CSPP1: variants seen among roughly 807,000 people sequenced by gnomAD.
The protein encoded by CSPP1 is centrosome and spindle pole-associated protein 1.
CSPP1 carries 126 observed loss-of-function variants against 164.4 expected under a neutral mutation model. The ratio of observed to expected loss-of-function variants is 0.77; its 90% CI spans 0.66 to 0.89. CSPP1 has a LOEUF of 0.89. CSPP1 is among the 40% of genes least tolerant of loss of function. The pLI is 0.00. For missense variants in CSPP1, 1,395 were observed against 1,449.8 expected, an observed-to-expected ratio of 0.96 and a Z score of 0.61; for synonymous variants, 472 against 476.7, an observed-to-expected ratio of 0.99 and a Z score of 0.13.
chr8:67,193,357 A>T, intron 29 of CSPP1, 107 bp from the exon 30 acceptor site: 3 of 964,910 alleles, frequency 3.1e-6, no homozygotes, highest in South Asian at 3.4e-5. Context: ...TCGGCTTCCC[A>T]AAGTGCTGGG....
chr8:67,094,310 G>A (rs1346971398), intron 6 of CSPP1, among the ~76,000 whole-genome samples: 1 of 111,426 alleles, frequency 9.0e-6, no homozygotes, highest in African/African-American at 3.6e-5. Context: ...GTCTTGCTCT[G>A]TCACCCAGGC....
At chr8:67,105,080 C>T (rs1815200394) in intron 8 of CSPP1, among the ~76,000 whole-genome samples, 1 of 125,152 alleles carries the variant, frequency 8.0e-6, no homozygotes, top group Admixed American at 9.5e-5. Context: ...GGCTGGAGTA[C>T]AGTGGCAGGA....
intron 3 of CSPP1, among the ~76,000 whole-genome samples, chr8:67,079,397 G>T (rs1249835019): frequency 6.6e-6 from 1 of 152,106 alleles, no homozygotes; most frequent in Non-Finnish European, 1.5e-5. Context: ...CTTGATTCCT[G>T]TCTTCTCCTG....
At chr8:67,145,163 A>G (rs1304111435) in intron 17 of CSPP1, among the ~76,000 whole-genome samples, 1 of 152,064 alleles carries the variant, frequency 6.6e-6, no homozygotes, top group Non-Finnish European at 1.5e-5. Context: ...ATAAAGAGAC[A>G]TTCAGTTTAT....
At chr8:67,133,734 A>G (rs1563644053) in intron 16 of CSPP1, 1 of 152,170 alleles carries the variant, frequency 6.6e-6, no homozygotes, top group African/African-American at 2.4e-5. Context: ...GTTTGATACC[A>G]TTTTATCCAC....
rs550021750 is a variant in CSPP1, at chr8:67,103,380, C to A, written c.1022+245C>A. Reference sequence around the variant, plus strand: ...GTGTGCCAAGGTGTTCTGAAGAAGTCCCTATCATTACAAAGTATGTAAATT... The same window carrying A: ...GTGTGCCAAGGTGTTCTGAAGAAGTACCTATCATTACAAAGTATGTAAATT... On this transcript the variant is annotated intron_variant, in intron 8 of 30. Coordinates refer to ENST00000678616, the MANE Select transcript of CSPP1 (RefSeq NM_001382391.1). Among the ~76,000 whole-genome samples, 6 of 152,032 alleles carry A rather than the reference C, an allele frequency of 3.9e-5. No homozygotes were observed. In the South Asian group the frequency reaches 1.3e-3, roughly 32 times the overall value.
At chr8:67,146,009 A>G (rs1035149084) in intron 17 of CSPP1, among the ~76,000 whole-genome samples, 2 of 151,674 alleles carry the variant, frequency 1.3e-5, no homozygotes, top group Non-Finnish European at 2.9e-5. Flanking sequence ...TTTGACCCCC[A>G]TTAGTTATTT....
chr8:67,143,660 C>G (rs1388820932), intron 17 of CSPP1, among the ~76,000 whole-genome samples: 1 of 151,848 alleles, frequency 6.6e-6, no homozygotes, highest in East Asian at 1.9e-4. Context: ...TAATTGTTTC[C>G]CTAAATATTT....
chr8:67,175,656 A>G (rs969480103), intron 26 of CSPP1: 8 of 664,296 alleles, frequency 1.2e-5, no homozygotes, highest in Non-Finnish European at 2.2e-5. Flanking sequence ...AGAGGGGCCC[A>G]GTCATTCACT....
chr8:67,126,556 G>C (rs1820109259), intron 15 of CSPP1, among the ~76,000 whole-genome samples: 1 of 152,166 alleles, frequency 6.6e-6, no homozygotes, highest in African/African-American at 2.4e-5. Flanking sequence ...GTGTGTGTGT[G>C]CTGGGGCATG....
At position 67,172,522 on chromosome 8, in the gene CSPP1, A is replaced by G; in HGVS notation, c.2935A>G (p.Asn979Asp). The change falls in exon 25 of 31, where the codon AAT (asparagine) becomes GAT (aspartate). Residue 979 changes from asparagine to aspartate, a missense_variant. Coordinates refer to ENST00000678616, the MANE Select transcript of CSPP1 (RefSeq NM_001382391.1). Reference protein sequence around the residue: ...PKGLDAATFQNVHDFNELKDR... With the variant: ...PKGLDAATFQDVHDFNELKDR... ...GGGCTTAGACGCTGCCACTTTTCAG[A>G]ATGTTCATGATTTTAATGAGCTGAA... 1 of 1,613,722 alleles carries G rather than the reference A, an allele frequency of 6.2e-7. No homozygotes were observed. Among genetic ancestry groups the G allele is most frequent in the Non-Finnish European group, 8.5e-7 (1 of 1,179,796 alleles).
intron 9 of CSPP1, among the ~76,000 whole-genome samples, chr8:67,110,271 C>T (rs965125776): frequency 1.4e-4 from 21 of 151,718 alleles, no homozygotes; most frequent in African/African-American, 4.8e-4. Flanking sequence ...TTTTTCCTTT[C>T]CTTCTCCCTC....
intron 30 of CSPP1, among the ~76,000 whole-genome samples, chr8:67,194,959 TCCCCAAACCTTGCTTTA>T (rs1837534939): frequency 6.6e-6 from 1 of 152,100 alleles, no homozygotes; most frequent in Admixed American, 6.6e-5. Flanking sequence ...TGAAGAGTAT[TCCCCAAACCTTGCTTTA>T]AAAAAAATAA....
At chr8:67,127,187 T>C (rs2129553214) in intron 15 of CSPP1, among the ~76,000 whole-genome samples, 1 of 152,322 alleles carries the variant, frequency 6.6e-6, no homozygotes, top group South Asian at 2.1e-4. Flanking sequence ...CTGGGATTGT[T>C]CCAAGCCTTC....
chr8:67,086,181 A>G (rs773044590), intron 4 of CSPP1, 71 bp downstream of exon 4: 8 of 805,614 alleles, frequency 9.9e-6, no homozygotes, highest in Middle Eastern at 2.2e-4. Context: ...TTCATAAGGT[A>G]TTAGTCATAT....
chr8:67,148,187 G>A (rs1824995480), intron 17 of CSPP1, among the ~76,000 whole-genome samples: 1 of 152,128 alleles, frequency 6.6e-6, no homozygotes, highest in African/African-American at 2.4e-5. Flanking sequence ...CCAAAGTGCT[G>A]GGATTATAGG....
chr8:67,194,817 A>G (rs1238906456), intron 30 of CSPP1, among the ~76,000 whole-genome samples: 2 of 152,182 alleles, frequency 1.3e-5, no homozygotes, highest in African/African-American at 2.4e-5. Flanking sequence ...TTAAAGAATG[A>G]AGCAAGAGCT....
At position 67,190,782 on chromosome 8, in the gene CSPP1, C is replaced by T. The variant is rs371462094; in HGVS notation, c.3330+23C>T. 49 of 1,519,268 alleles carry T rather than the reference C, an allele frequency of 3.2e-5. No individual in the cohort carries two copies. The African/African-American group carries it at 5.3e-4, about 17-fold the overall frequency. 94.1% of individuals were successfully genotyped at this position (1,519,268 alleles called of 1,614,324 possible). A position where few individuals can be genotyped will look rare whatever the true frequency, so the allele number is the denominator to read the frequency against. ...ATTGTATGTATGAGACTTTTCTCCCCCTTTTCAACTTAGAAGAATGAGAGG... is the reference window on the plus strand; with the variant it reads ...ATTGTATGTATGAGACTTTTCTCCCTCTTTTCAACTTAGAAGAATGAGAGG... On this transcript the variant is annotated intron_variant, in intron 29 of 30. Transcript: ENST00000678616.
In CSPP1 at chr8:67,163,714, G is replaced by C. The variant is rs1244713263; in HGVS notation, c.2644-18G>C. 2 of 1,599,234 alleles carry C rather than the reference G, an allele frequency of 1.3e-6. No individual in the cohort carries two copies. Among genetic ancestry groups the C allele is most frequent in the Admixed American group, 3.4e-5 (2 of 58,968 alleles). ...GGGAAGACATACTGAACATGTCTTT[G>C]TCATTATTGTTGAACAGGAAAGTTC... On this transcript the variant is annotated intron_variant, in intron 22 of 30. Coordinates refer to ENST00000678616, the MANE Select transcript of CSPP1 (RefSeq NM_001382391.1).
Sources: gnomAD v4.1 joint callset for allele counts (sites outside exome capture counted in the v4.1 genomes callset) on GRCh38, gnomAD v4.1.1 for gene constraint, MANE v1.5 for transcripts, NCBI Gene and HGNC (gene_info 2026-07-23, HGNC 2026-07-21) for gene names.